Variants in APP observed in about 807,000 individuals in gnomAD.
APP encodes amyloid-beta precursor protein.
Under a neutral mutation model 101.4 loss-of-function variants are expected in APP, and 31 were observed. That is an observed-to-expected ratio of 0.31 (90% CI 0.23 to 0.41). APP has a LOEUF of 0.41. Ranked by LOEUF, APP falls within the 10% of genes least tolerant of loss-of-function variation. APP has a pLI of 1.00. For missense variants in APP, 839 were observed against 1,003.7 expected (o/e 0.84, Z 2.22); for synonymous variants, 366 against 364.4 (o/e 1.00, Z -0.05).
At chr21:26,080,090 C>T (rs1246773465) in intron 3 of APP, among the ~76,000 whole-genome samples, 5 of 152,212 alleles carry the variant, frequency 3.3e-5, no homozygotes, top group Non-Finnish European at 7.3e-5. Context: ...CACCATTGCA[C>T]TTCAGCCTAG....
chr21:25,946,591 G>A (rs569384473), intron 13 of APP, among the ~76,000 whole-genome samples: 6 of 152,220 alleles, frequency 3.9e-5, no homozygotes, highest in Admixed American at 2.0e-4. Flanking sequence ...GCTTGAATCC[G>A]TAAGGCGGAG....
At chr21:26,157,881 C>A (rs1317997780) in intron 1 of APP, among the ~76,000 whole-genome samples, 1 of 152,214 alleles carries the variant, frequency 6.6e-6, no homozygotes, top group African/African-American at 2.4e-5. Context: ...ACAGACAGAT[C>A]TAGCTCAAAA....
intron 1 of APP, among the ~76,000 whole-genome samples, chr21:26,138,914 T>G (rs2062979670): frequency 6.6e-6 from 1 of 152,198 alleles, no homozygotes. Flanking sequence ...GAGGGCTTTC[T>G]TCGATATTAT....
At chr21:26,137,251 A>G (rs2062941110) in intron 1 of APP, among the ~76,000 whole-genome samples, 2 of 152,160 alleles carry the variant, frequency 1.3e-5, no homozygotes, top group Admixed American at 1.3e-4. Flanking sequence ...TAGTTTTCAA[A>G]CCGTATTTGA....
intron 1 of APP, among the ~76,000 whole-genome samples, chr21:26,156,422 G>T (rs1417834808): frequency 1.3e-5 from 2 of 152,194 alleles, no homozygotes; most frequent in Non-Finnish European, 2.9e-5. Context: ...TAAGATTCAG[G>T]TGAGTCGAGA....
At chr21:26,140,157 T>C (rs1288803070) in intron 1 of APP, 2 of 1,534,280 alleles carry the variant, frequency 1.3e-6, no homozygotes, top group Non-Finnish European at 1.7e-6. Flanking sequence ...ACTTACATAG[T>C]TGATAAACAG....
intron 3 of APP, among the ~76,000 whole-genome samples, chr21:26,087,154 T>C (rs1289541447): frequency 6.6e-6 from 1 of 152,222 alleles, no homozygotes; most frequent in Non-Finnish European, 1.5e-5. Context: ...CAACTCTGTA[T>C]TATACTCTGG....
intron 1 of APP, among the ~76,000 whole-genome samples, chr21:26,132,372 T>G (rs1601539496): frequency 2.6e-5 from 4 of 152,366 alleles, no homozygotes; most frequent in Admixed American, 2.6e-4. Flanking sequence ...ATCTGTACTT[T>G]GCACCCATTA....
At chr21:25,917,261 CAAAAAAA>C (rs397867177) in intron 13 of APP, among the ~76,000 whole-genome samples, 7 of 64,596 alleles carry the variant, frequency 1.1e-4, no homozygotes, top group South Asian at 5.6e-4. Context: ...ACTCTGTCTC[CAAAAAAA>C]AAAAAAAAAA....
At chr21:26,144,504 T>A (rs1174460643) in intron 1 of APP, among the ~76,000 whole-genome samples, 1 of 152,184 alleles carries the variant, frequency 6.6e-6, no homozygotes, top group Non-Finnish European at 1.5e-5. Context: ...TATTATAATC[T>A]CCTACACTAA....
intron 13 of APP, chr21:25,935,333 T>C (rs760732235): frequency 1.3e-5 from 2 of 152,370 alleles, no homozygotes; most frequent in East Asian, 1.9e-4. Context: ...CTAAAAGTTT[T>C]CATTTTATTC....
chr21:25,885,422 T>C (rs1601261630), intron 17 of APP, among the ~76,000 whole-genome samples: 1 of 152,254 alleles, frequency 6.6e-6, no homozygotes, highest in Non-Finnish European at 1.5e-5. Context: ...TTTGAGCCCA[T>C]GGTGCTTGTT....
At chr21:26,142,883 T>C (rs1306695470) in intron 1 of APP, among the ~76,000 whole-genome samples, 3 of 152,238 alleles carry the variant, frequency 2.0e-5, no homozygotes, top group Non-Finnish European at 4.4e-5. Context: ...AAAACTTATG[T>C]TGAAATGGTC....
chr21:26,028,644 A>G (rs2044687416), intron 5 of APP, among the ~76,000 whole-genome samples: 1 of 152,178 alleles, frequency 6.6e-6, no homozygotes, highest in African/African-American at 2.4e-5. Flanking sequence ...AATGAGCAAA[A>G]AAGTGGCAAT....
intron 13 of APP, among the ~76,000 whole-genome samples, chr21:25,925,700 C>T (rs572903441): frequency 2.6e-4 from 39 of 152,276 alleles, no homozygotes; most frequent in African/African-American, 8.7e-4. Flanking sequence ...TTTGGGAGGC[C>T]GAGGTGGGTG....
intron 1 of APP, among the ~76,000 whole-genome samples, chr21:26,136,984 T>TG (rs1439475307): frequency 6.6e-6 from 1 of 152,142 alleles, no homozygotes; most frequent in Non-Finnish European, 1.5e-5. Context: ...CTATGCCTCC[T>TG]GGGTTCAAGA....
chr21:25,937,440 G>A (rs1343446561), intron 13 of APP, among the ~76,000 whole-genome samples: 1 of 152,158 alleles, frequency 6.6e-6, no homozygotes, highest in African/African-American at 2.4e-5. Context: ...GCTGGCACTA[G>A]GCTCTCTGAC....
intron 7 of APP, 125 bp from the exon 8 acceptor site, chr21:25,997,541 C>A (rs1049005935): frequency 7.2e-6 from 6 of 831,852 alleles, no homozygotes; most frequent in Non-Finnish European, 6.0e-6. Flanking sequence ...TAGGTTTGGT[C>A]CCTCCAACAA....
intron 6 of APP, among the ~76,000 whole-genome samples, chr21:26,017,641 G>A (rs910625212): frequency 0.032 from 6 of 190 alleles, no homozygotes; most frequent in African/African-American, 0.12. Flanking sequence ...CAGTTCCTCT[G>A]GACAGGGCAC....
Sources: allele counts gnomAD v4.1 joint callset (sites outside exome capture counted in the v4.1 genomes callset), GRCh38; gene constraint gnomAD v4.1.1; transcripts MANE v1.5; gene names NCBI Gene and HGNC (gene_info 2026-07-23, HGNC 2026-07-21).